OVCH1: variants seen among roughly 807,000 people sequenced by gnomAD.
OVCH1 encodes the protein ovochymase 1.
Under a neutral mutation model 138.4 loss-of-function variants are expected in OVCH1, and 139 were observed. The observed-to-expected ratio is 1.00, with a 90% CI of 0.87 to 1.16. The LOEUF is 1.16. OVCH1 is among the 50% of genes most tolerant of loss of function. The probability of loss-of-function intolerance (pLI) is 0.00; values close to 1 mark genes in which losing one functional copy is unlikely to be tolerated. For synonymous variants in OVCH1, 453 were observed against 467.8 expected (o/e 0.97, Z 0.41); for missense variants, 1,367 against 1,357.9 (o/e 1.01, Z -0.11).
downstream of OVCH1, among the ~76,000 whole-genome samples, chr12:29,425,493 T>A (rs754557806): frequency 2.0e-5 from 3 of 152,204 alleles, no homozygotes; most frequent in Non-Finnish European, 4.4e-5. Flanking sequence ...AGACTGTTCT[T>A]CCTCTCCTTG....
exon 20 of OVCH1, chr12:29,455,265 G>C: frequency 6.2e-7 from 1 of 1,611,978 alleles, no homozygotes; most frequent in Non-Finnish European, 8.5e-7. Context: ...TTTTTGATTG[G>C]ATCCAGTCCA....
chr12:29,476,156 T>C (rs1434472916), intron 13 of OVCH1, 50 bp downstream of exon 13: 3 of 1,467,062 alleles, frequency 2.0e-6, no homozygotes, highest in South Asian at 1.1e-5. Context: ...ATGTTGCCAC[T>C]ACTCTGATTC....
chr12:29,464,664 A>G (rs544189209), exon 18 of OVCH1: 9 of 1,613,508 alleles, frequency 5.6e-6, no homozygotes, highest in African/African-American at 5.3e-5. Flanking sequence ...TTAGTGTGTT[A>G]AAGTCTTCAT....
At chr12:29,429,611 T>C (rs1160734761) in intron 27 of OVCH1, among the ~76,000 whole-genome samples, 2 of 152,220 alleles carry the variant, frequency 1.3e-5, no homozygotes, top group Non-Finnish European at 2.9e-5. Context: ...AGTTCAAAGA[T>C]TCTTCTGTTA....
intron 4 of OVCH1, among the ~76,000 whole-genome samples, chr12:29,494,958 G>T (rs1335932787): frequency 6.6e-6 from 1 of 152,112 alleles, no homozygotes; most frequent in Admixed American, 6.5e-5. Context: ...TAAGGTAATA[G>T]ATATCCTAAT....
intron 19 of OVCH1, among the ~76,000 whole-genome samples, chr12:29,456,583 A>G (rs1941957625): frequency 6.6e-6 from 1 of 152,228 alleles, no homozygotes; most frequent in South Asian, 2.1e-4. Context: ...GGGAACCAAA[A>G]TATGTACATC....
At chr12:29,418,958 G>A (rs987600638) in intron 3 of OVCH1, among the ~76,000 whole-genome samples, 2 of 152,136 alleles carry the variant, frequency 1.3e-5, no homozygotes, top group East Asian at 1.9e-4. Flanking sequence ...CTGGGCTCAC[G>A]TGATTCTGTC....
rs1460024035 is a variant in OVCH1, at chr12:29,462,043, GAAGT to G, written c.2126-39_2126-36del. On this transcript the variant is annotated intron_variant, in intron 18 of 27. Transcript: ENST00000318184. ...AAACATTCAGAGAGAGCTCGATGAT[GAAGT>G]AAGCAGAAAGTGTTGTTAGAAATGT... 5.0e-6 allele frequency: 8 copies of G among 1,593,474 alleles called. No individual in the cohort carries two copies. The African/African-American group carries it at 1.1e-4, about 21-fold the overall frequency.
intron 12 of OVCH1, among the ~76,000 whole-genome samples, chr12:29,476,688 C>A (rs184558197): frequency 1.3e-5 from 2 of 151,660 alleles, no homozygotes; most frequent in Admixed American, 1.3e-4. Flanking sequence ...GTGGGCTCAT[C>A]TGGAAAGATC....
At chr12:29,435,951 T>A (rs987427981) in intron 26 of OVCH1, among the ~76,000 whole-genome samples, 1 of 152,206 alleles carries the variant, frequency 6.6e-6, no homozygotes, top group Non-Finnish European at 1.5e-5. Flanking sequence ...TCAAAAAAAA[T>A]TACTCATAAT....
Position 29,478,830 on chromosome 12 carries a change from C to G in OVCH1, c.1069+5G>C. The G allele has an allele frequency of 6.4e-7, 1 of 1,563,488 alleles. No homozygotes were observed. The highest frequency in any genetic ancestry group is 8.7e-7 in the Non-Finnish European group (1 of 1,154,152). On this transcript the variant is annotated splice_donor_5th_base_variant and intron_variant, in intron 9 of 27. Transcript: ENST00000318184. ...GACAAATAAAAACAAATGTAACATACTTACTAAAAAGCACTCCACTGCTTG... is the reference window on the plus strand; with the variant it reads ...GACAAATAAAAACAAATGTAACATAGTTACTAAAAAGCACTCCACTGCTTG...
At chr12:29,493,661 T>C (rs947809076) in intron 4 of OVCH1, among the ~76,000 whole-genome samples, 1 of 152,324 alleles carries the variant, frequency 6.6e-6, no homozygotes, top group Non-Finnish European at 1.5e-5. Context: ...AATTACATTT[T>C]TATATTTTCA....
chr12:29,415,076 A>G (rs1941014646), intron 3 of OVCH1, among the ~76,000 whole-genome samples: 2 of 152,204 alleles, frequency 1.3e-5, no homozygotes, highest in African/African-American at 4.8e-5. Context: ...GAAAAAAGTC[A>G]TCTCTCACTC....
downstream of OVCH1, chr12:29,427,497 T>C: frequency 6.5e-7 from 1 of 1,536,768 alleles, no homozygotes; most frequent in Non-Finnish European, 8.8e-7. Flanking sequence ...ATTGAGGACG[T>C]GAAACTTGAG....
chr12:29,427,459 A>G, downstream of OVCH1: 1 of 1,417,834 alleles, frequency 7.1e-7, no homozygotes, highest in Non-Finnish European at 9.5e-7. Flanking sequence ...ATGATAGAGG[A>G]GGTCTCAGGT....
At chr12:29,441,306 A>C (rs1455900513) in intron 25 of OVCH1, among the ~76,000 whole-genome samples, 3 of 152,202 alleles carry the variant, frequency 2.0e-5, no homozygotes, top group Non-Finnish European at 4.4e-5. Context: ...AGCCCTCAGA[A>C]ATAACGCCAC....
At chr12:29,412,254 C>T (rs1940969466), downstream of OVCH1, among the ~76,000 whole-genome samples, 1 of 152,166 alleles carries the variant, frequency 6.6e-6, no homozygotes, top group Non-Finnish European at 1.5e-5. Flanking sequence ...ACTCCTTGCA[C>T]TTCCCGAGTG....
At chr12:29,435,512 G>T (rs898907042) in intron 26 of OVCH1, among the ~76,000 whole-genome samples, 14 of 151,882 alleles carry the variant, frequency 9.2e-5, no homozygotes, top group Non-Finnish European at 1.6e-4. Context: ...GACTACAGGC[G>T]CCCGCCTAAT....
Position 29,464,714 on chromosome 12 carries a change from G to T in OVCH1, c.1930-12C>A. The T allele has an allele frequency of 6.3e-7, 1 of 1,597,124 alleles. No homozygotes were observed. Among genetic ancestry groups the T allele is most frequent in the South Asian group, 1.1e-5 (1 of 88,498 alleles). On this transcript the variant is annotated splice_polypyrimidine_tract_variant and intron_variant, in intron 17 of 27. Transcript: ENST00000318184. ...TTGGCCCTTCTCACCTGTATCGGTGGCAAGTAAGCAAATTACAACGTAAGA... is the reference window on the plus strand; with the variant it reads ...TTGGCCCTTCTCACCTGTATCGGTGTCAAGTAAGCAAATTACAACGTAAGA...
Sources: gnomAD v4.1 joint callset for allele counts (sites outside exome capture counted in the v4.1 genomes callset) on GRCh38, gnomAD v4.1.1 for gene constraint, MANE v1.5 for transcripts, NCBI Gene and HGNC (gene_info 2026-07-23, HGNC 2026-07-21) for gene names.